LRRTM4: variants seen among roughly 807,000 people sequenced by gnomAD.
LRRTM4 encodes the protein leucine rich repeat transmembrane neuronal 4, also known as leucine-rich repeat transmembrane neuronal protein 4.
LRRTM4 carries 25 observed loss-of-function variants against 47.6 expected under a neutral mutation model. That is an observed-to-expected ratio of 0.53 (90% CI 0.38 to 0.73). LRRTM4 has a LOEUF of 0.73. LRRTM4 is among the 30% of genes least tolerant of loss of function. The pLI, the probability that LRRTM4 is intolerant of heterozygous loss-of-function variation, is 0.00. For missense variants in LRRTM4, 638 were observed against 713.4 expected (o/e 0.89, Z 1.20); for synonymous variants, 311 against 269.5 (o/e 1.15, Z -1.51).
chr2:77,098,716 G>C (rs959928074), intron 3 of LRRTM4, among the ~76,000 whole-genome samples: 1 of 140,736 alleles, frequency 7.1e-6, no homozygotes, highest in Non-Finnish European at 1.5e-5. Context: ...AAATCACTAA[G>C]AGATATAATC....
chr2:77,026,642 T>G (rs1678463978), intron 3 of LRRTM4, among the ~76,000 whole-genome samples: 1 of 151,998 alleles, frequency 6.6e-6, no homozygotes, highest in South Asian at 2.1e-4. Flanking sequence ...CTATAAAACC[T>G]GAAAAGCTGT....
chr2:76,848,953 C>G (rs773312683), intron 3 of LRRTM4, among the ~76,000 whole-genome samples: 1 of 152,026 alleles, frequency 6.6e-6, no homozygotes, highest in Non-Finnish European at 1.5e-5. Flanking sequence ...TCCTGATTAC[C>G]AAATATCCAC....
intron 3 of LRRTM4, among the ~76,000 whole-genome samples, chr2:77,303,280 A>AG (rs1677181439): frequency 6.6e-6 from 1 of 151,684 alleles, no homozygotes; most frequent in African/African-American, 2.4e-5. Context: ...CAAACAAACA[A>AG]AAAAAAATGG....
At chr2:76,987,482 A>T (rs1676843409) in intron 3 of LRRTM4, 1 of 151,960 alleles carries the variant, frequency 6.6e-6, no homozygotes, top group Admixed American at 6.6e-5. Context: ...AATGGGGTAC[A>T]GAAAGAAGAC....
intron 3 of LRRTM4, among the ~76,000 whole-genome samples, chr2:77,109,220 C>T (rs1671182400): frequency 1.3e-5 from 2 of 151,988 alleles, no homozygotes; most frequent in African/African-American, 4.8e-5. Flanking sequence ...TAATGACTAC[C>T]AAATTCAGGA....
intron 3 of LRRTM4, among the ~76,000 whole-genome samples, chr2:77,098,103 C>T (rs1670859884): frequency 6.6e-6 from 1 of 151,912 alleles, no homozygotes; most frequent in Non-Finnish European, 1.5e-5. Flanking sequence ...ACTTATTATT[C>T]ACACTTGCAA....
intron 3 of LRRTM4, among the ~76,000 whole-genome samples, chr2:77,228,644 G>C (rs6716853): frequency 6.6e-6 from 1 of 152,152 alleles, no homozygotes; most frequent in African/African-American, 2.4e-5. Flanking sequence ...GAAAAAGCTG[G>C]TGCTACTTCC....
intron 3 of LRRTM4, among the ~76,000 whole-genome samples, chr2:77,450,750 A>C (rs1425812645): frequency 6.6e-6 from 1 of 152,128 alleles, no homozygotes; most frequent in Admixed American, 6.6e-5. Flanking sequence ...CAGCTGAAGC[A>C]CTTATCACCT....
chr2:77,486,891 C>T (rs1677934442), intron 3 of LRRTM4, among the ~76,000 whole-genome samples: 1 of 152,140 alleles, frequency 6.6e-6, no homozygotes, highest in Admixed American at 6.5e-5. Flanking sequence ...GTTTTCTTCT[C>T]GTTTTAATGA....
chr2:77,460,663 T>C (rs780362899), intron 3 of LRRTM4, among the ~76,000 whole-genome samples: 2 of 152,184 alleles, frequency 1.3e-5, no homozygotes, highest in Non-Finnish European at 2.9e-5. Context: ...GTGCATTCTC[T>C]TAGATATATG....
intron 3 of LRRTM4, among the ~76,000 whole-genome samples, chr2:77,060,287 TG>T (rs1558556173): frequency 1.3e-5 from 2 of 152,178 alleles, no homozygotes; most frequent in Admixed American, 1.3e-4. Context: ...GGTGATTTTT[TG>T]GGGGTGTGGC....
At chr2:76,941,176 A>C (rs1192185044) in intron 3 of LRRTM4, among the ~76,000 whole-genome samples, 1 of 152,208 alleles carries the variant, frequency 6.6e-6, no homozygotes, top group Non-Finnish European at 1.5e-5. Flanking sequence ...AAAAACAAAA[A>C]CAAAAAGGAA....
chr2:77,033,955 G>A (rs188478717), intron 3 of LRRTM4, among the ~76,000 whole-genome samples: 43 of 151,810 alleles, frequency 2.8e-4, no homozygotes, highest in Admixed American at 4.6e-4. Flanking sequence ...AATATCTGAG[G>A]CTGAAACTAT....
At chr2:76,975,691 G>A (rs1355580472) in intron 3 of LRRTM4, among the ~76,000 whole-genome samples, 2 of 151,660 alleles carry the variant, frequency 1.3e-5, no homozygotes, top group Non-Finnish European at 3.0e-5. Flanking sequence ...ACATTGAGGA[G>A]ACAAAAAATA....
At chr2:77,412,641 C>A (rs1028450751) in intron 3 of LRRTM4, among the ~76,000 whole-genome samples, 53 of 152,104 alleles carry the variant, frequency 3.5e-4, no homozygotes, top group Admixed American at 3.3e-3. Context: ...GTAAGTGTAA[C>A]CCTGGCCACA....
chr2:77,251,188 T>C (rs1047370741), intron 3 of LRRTM4, among the ~76,000 whole-genome samples: 37 of 34,534 alleles, frequency 1.1e-3, no homozygotes, highest in African/African-American at 3.4e-3. Context: ...TGTATATATA[T>C]ACACACACAC....
intron 3 of LRRTM4, among the ~76,000 whole-genome samples, chr2:77,420,069 G>C (rs1674812286): frequency 6.6e-6 from 1 of 152,150 alleles, no homozygotes; most frequent in Non-Finnish European, 1.5e-5. Flanking sequence ...ATTAACCCAA[G>C]GGTGAGCTGT....
chr2:77,056,917 A>G (rs1679627775), intron 3 of LRRTM4, among the ~76,000 whole-genome samples: 1 of 152,190 alleles, frequency 6.6e-6, no homozygotes, highest in Non-Finnish European at 1.5e-5. Flanking sequence ...ATACAGACAA[A>G]CTATAGTTCA....
chr2:76,829,519 A>T (rs1348036224), intron 3 of LRRTM4, among the ~76,000 whole-genome samples: 1 of 135,164 alleles, frequency 7.4e-6, no homozygotes, highest in Non-Finnish European at 1.5e-5. Flanking sequence ...CTCTAATTAC[A>T]TACTGTCATG....
Sources: gnomAD v4.1 joint callset for allele counts (sites outside exome capture counted in the v4.1 genomes callset) on GRCh38, gnomAD v4.1.1 for gene constraint, MANE v1.5 for transcripts, NCBI Gene and HGNC (gene_info 2026-07-23, HGNC 2026-07-21) for gene names.